The following CSNK2A2IP variants were observed in gnomAD, a reference collection of about 807,000 sequenced individuals.
CSNK2A2IP encodes the protein casein kinase II subunit alpha'-interacting protein.
the CSNK2A2IP span, among the ~76,000 whole-genome samples, chr3:88,374,023 A>T: frequency 2.6e-5 from 4 of 151,654 alleles, no homozygotes; most frequent in Non-Finnish European, 5.9e-5. Flanking sequence ...TTCTTTGGTA[A>T]ATCCTATCAA....
At chr3:88,416,735 T>C in the CSNK2A2IP span, among the ~76,000 whole-genome samples, 1 of 152,208 alleles carries the variant, frequency 6.6e-6, no homozygotes, top group Non-Finnish European at 1.5e-5. Context: ...TCCTACCCCA[T>C]TAATTTACTT....
the CSNK2A2IP span, among the ~76,000 whole-genome samples, chr3:88,435,411 G>A: frequency 6.6e-6 from 1 of 152,078 alleles, no homozygotes; most frequent in Non-Finnish European, 1.5e-5. Context: ...TAAGAAAGAG[G>A]CACAAGAAGA....
chr3:88,372,280 A>G, the CSNK2A2IP span, among the ~76,000 whole-genome samples: 1 of 151,536 alleles, frequency 6.6e-6, no homozygotes, highest in Non-Finnish European at 1.5e-5. Flanking sequence ...AGTTTTGGCA[A>G]TTACTTTTAA....
At chr3:88,371,718 T>C in the CSNK2A2IP span, among the ~76,000 whole-genome samples, 1 of 148,276 alleles carries the variant, frequency 6.7e-6, no homozygotes, top group East Asian at 2.0e-4. Flanking sequence ...GTGTCCCAAA[T>C]TGCAAAATAA....
the CSNK2A2IP span, among the ~76,000 whole-genome samples, chr3:88,402,612 A>AT: frequency 6.6e-6 from 1 of 151,720 alleles, no homozygotes; most frequent in Admixed American, 6.6e-5. Context: ...TCTCTTAAGA[A>AT]TTTATACAAT....
At chr3:88,396,312 A>T in the CSNK2A2IP span, among the ~76,000 whole-genome samples, 1 of 151,784 alleles carries the variant, frequency 6.6e-6, no homozygotes, top group South Asian at 2.1e-4. Flanking sequence ...TCACCGTGTT[A>T]GCCAGGATGG....
the CSNK2A2IP span, among the ~76,000 whole-genome samples, chr3:88,393,381 G>C: frequency 3.5e-4 from 53 of 152,312 alleles, no homozygotes; most frequent in African/African-American, 1.1e-3. Flanking sequence ...TTTGGCATGT[G>C]TGCATGGGAA....
At chr3:88,420,498 T>C in the CSNK2A2IP span, among the ~76,000 whole-genome samples, 1 of 152,194 alleles carries the variant, frequency 6.6e-6, no homozygotes, top group African/African-American at 2.4e-5. Flanking sequence ...TAAAATCTTA[T>C]GTGTTTTCTG....
At chr3:88,396,726 T>C in the CSNK2A2IP span, among the ~76,000 whole-genome samples, 12 of 152,286 alleles carry the variant, frequency 7.9e-5, no homozygotes, top group East Asian at 2.3e-3. Context: ...CTATTCTAAA[T>C]GGCTTTATGC....
the CSNK2A2IP span, among the ~76,000 whole-genome samples, chr3:88,446,553 A>G: frequency 2.0e-5 from 3 of 152,172 alleles, no homozygotes; most frequent in Non-Finnish European, 4.4e-5. Context: ...AGTTACTGCC[A>G]CAGTGAATGC....
chr3:88,357,533 T>G, the CSNK2A2IP span, among the ~76,000 whole-genome samples: 1 of 152,182 alleles, frequency 6.6e-6, no homozygotes, highest in Non-Finnish European at 1.5e-5. Context: ...CTTTGTTCCT[T>G]TTGCTCAAGA....
the CSNK2A2IP span, among the ~76,000 whole-genome samples, chr3:88,419,403 A>G: frequency 6.6e-6 from 1 of 152,210 alleles, no homozygotes; most frequent in Non-Finnish European, 1.5e-5. Context: ...TATGGCCTCC[A>G]GCTCCATTCA....
At chr3:88,390,371 TACTGCTGGA>T in the CSNK2A2IP span, among the ~76,000 whole-genome samples, 59 of 152,240 alleles carry the variant, frequency 3.9e-4, no homozygotes, top group African/African-American at 1.4e-3. Flanking sequence ...AGGATAAAGG[TACTGCTGGA>T]ACATTCTCTG....
the CSNK2A2IP span, among the ~76,000 whole-genome samples, chr3:88,364,277 G>GT: frequency 0.014 from 2,150 of 150,372 alleles, 46 homozygotes; most frequent in African/African-American, 0.048. Context: ...TGTTTTGTCT[G>GT]TTTTTTTTTG....
At chr3:88,425,978 A>G in the CSNK2A2IP span, among the ~76,000 whole-genome samples, 1 of 152,212 alleles carries the variant, frequency 6.6e-6, no homozygotes, top group Non-Finnish European at 1.5e-5. Flanking sequence ...TTCTACATAC[A>G]TAATTTGTGG....
chr3:88,353,705 C>T, the CSNK2A2IP span, among the ~76,000 whole-genome samples: 1 of 152,134 alleles, frequency 6.6e-6, no homozygotes, highest in Non-Finnish European at 1.5e-5. Flanking sequence ...TTCAATTACA[C>T]TCTAATCATA....
At chr3:88,371,963 A>G in the CSNK2A2IP span, among the ~76,000 whole-genome samples, 1 of 151,794 alleles carries the variant, frequency 6.6e-6, no homozygotes, top group Non-Finnish European at 1.5e-5. Context: ...ATACCCAGCC[A>G]AGCTGTCTCT....
the CSNK2A2IP span, among the ~76,000 whole-genome samples, chr3:88,354,784 A>G: frequency 6.6e-6 from 1 of 152,210 alleles, no homozygotes; most frequent in Non-Finnish European, 1.5e-5. Context: ...CTCTAAAGAT[A>G]TACTAAAGTC....
the CSNK2A2IP span, among the ~76,000 whole-genome samples, chr3:88,348,989 C>A: frequency 6.6e-6 from 1 of 151,906 alleles, no homozygotes; most frequent in Admixed American, 6.6e-5. Context: ...CTTTTTGCTT[C>A]ATTATCATTA....
Sources: allele counts gnomAD v4.1 joint callset (sites outside exome capture counted in the v4.1 genomes callset), GRCh38; gene constraint gnomAD v4.1.1; transcripts MANE v1.5; gene names NCBI Gene and HGNC (gene_info 2026-07-23, HGNC 2026-07-21).